The following TMEM266 variants were observed in gnomAD, a reference collection of about 807,000 sequenced individuals.
The protein encoded by TMEM266 is transmembrane protein 266, also known as Hv1 related protein 1.
Under a neutral mutation model 50.5 loss-of-function variants are expected in TMEM266, and 33 were observed. The observed-to-expected ratio is 0.65, with a 90% CI of 0.50 to 0.87. The LOEUF is 0.87. TMEM266 is among the 40% of genes least tolerant of loss of function. The pLI, the probability that TMEM266 is intolerant of heterozygous loss-of-function variation, is 0.00. For synonymous variants in TMEM266, 310 were observed against 292.3 expected, an observed-to-expected ratio of 1.06 and a Z score of -0.62; for missense variants, 655 against 695.1, an observed-to-expected ratio of 0.94 and a Z score of 0.65.
Position 76,204,861 on chromosome 15 carries a change from A to G in TMEM266, c.*546A>G, listed in dbSNP as rs542037017. 2.0e-5 allele frequency: 3 copies of G among 152,984 alleles called. No individual in the cohort carries two copies. In the East Asian group the frequency reaches 5.8e-4, roughly 30 times the overall value. 9.5% of individuals were successfully genotyped at this position (152,984 alleles called of 1,614,324 possible). On this transcript the variant is annotated 3_prime_UTR_variant, in exon 11 of 11. Coordinates refer to ENST00000388942, the MANE Select transcript of TMEM266 (RefSeq NM_152335.3). ...CGAATCTAGTTTTCACCTTCACAGG[A>G]TATAAAGGGATCAACCTAGAGGTGG...
intron 5 of TMEM266, among the ~76,000 whole-genome samples, chr15:76,162,298 G>A (rs928804589): frequency 1.3e-5 from 2 of 152,194 alleles, no homozygotes; most frequent in Admixed American, 1.3e-4. Context: ...ATCGAGTGAC[G>A]AATGAATGAG....
intron 1 of TMEM266, among the ~76,000 whole-genome samples, chr15:76,091,983 C>T (rs2036854812): frequency 6.6e-6 from 1 of 151,628 alleles, no homozygotes; most frequent in Non-Finnish European, 1.5e-5. Flanking sequence ...GAGCAAGACC[C>T]TGTCTCAAAA....
intron 1 of TMEM266, among the ~76,000 whole-genome samples, chr15:76,073,763 A>G (rs79715414): frequency 6.6e-6 from 1 of 152,216 alleles, no homozygotes; most frequent in African/African-American, 2.4e-5. Context: ...CTATCAAATG[A>G]CACATTGTAG....
At chr15:76,132,065 G>T (rs75925102) in intron 1 of TMEM266, among the ~76,000 whole-genome samples, 2 of 151,996 alleles carry the variant, frequency 1.3e-5, no homozygotes, top group African/African-American at 2.4e-5. Context: ...CTTCTAGATG[G>T]TACTGTAGCA....
chr15:76,186,658 C>T (rs974060967), intron 8 of TMEM266, among the ~76,000 whole-genome samples: 1 of 152,226 alleles, frequency 6.6e-6, no homozygotes, highest in African/African-American at 2.4e-5. Context: ...TCGTCCCTAC[C>T]TACTTGTCTC....
chr15:76,098,395 G>T (rs2405415), intron 1 of TMEM266, among the ~76,000 whole-genome samples: 81,105 of 151,870 alleles, frequency 0.53, 22,354 homozygotes, highest in Admixed American at 0.68. Flanking sequence ...GTTTGCCTGG[G>T]CATCACCAGC....
At position 76,203,824 on chromosome 15, in the gene TMEM266, TTC is replaced by T. The variant is rs1201783636; in HGVS notation, c.1111_1112del (p.Leu371GlyfsTer9). 1 of 1,614,206 alleles carries T rather than the reference TTC, an allele frequency of 6.2e-7. No individual in the cohort carries two copies. The highest frequency in any genetic ancestry group is 1.3e-5 in the African/African-American group (1 of 75,048). Reference sequence around the variant, plus strand: ...CCAGCCCAACATCTCCTCGGACCTCTTCTCTCTGGACATGCCCCTCAAACTCG... The same window carrying T: ...CCAGCCCAACATCTCCTCGGACCTCTTCTCTGGACATGCCCCTCAAACTCG... On this transcript the variant is annotated frameshift_variant, in exon 11 of 11. Transcript: ENST00000388942. LOFTEE classifies it high-confidence loss of function.
intron 1 of TMEM266, among the ~76,000 whole-genome samples, chr15:76,062,922 A>C (rs1318556397): frequency 2.0e-5 from 3 of 152,218 alleles, no homozygotes. Flanking sequence ...TATGAAACTC[A>C]CATGTCTGTG....
chr15:76,110,761 A>C (rs7171315), intron 1 of TMEM266, among the ~76,000 whole-genome samples: 4 of 152,034 alleles, frequency 2.6e-5, no homozygotes, highest in African/African-American at 9.7e-5. Context: ...TTATGTCCAA[A>C]ATATATAAGG....
chr15:76,145,355 G>A (rs1015809074), intron 3 of TMEM266, among the ~76,000 whole-genome samples: 2 of 123,946 alleles, frequency 1.6e-5, no homozygotes, highest in Non-Finnish European at 3.6e-5. Context: ...ACTGGAAATG[G>A]TGATTTCCAC....
rs113855814 is a variant in TMEM266, at chr15:76,067,471, C to T, written c.-97+7455C>T. On this transcript the variant is annotated intron_variant, in intron 1 of 10. Transcript: ENST00000388942. ...CAGCCTGGCCAACATGGAGAAACCC[C>T]GTCTCTACTAAAAATACAAAAAATT... 5.0e-3 allele frequency among the ~76,000 whole-genome samples: 762 copies of T among 151,690 alleles called. 10 individuals carry two copies. The highest frequency in any genetic ancestry group is 0.017 in the African/African-American group (709 of 41,356).
chr15:76,199,340 A>G (rs1302165507), intron 9 of TMEM266, among the ~76,000 whole-genome samples: 1 of 152,236 alleles, frequency 6.6e-6, no homozygotes, highest in Non-Finnish European at 1.5e-5. Flanking sequence ...GGACTCAACT[A>G]TGTAGGCAAC....
At chr15:76,151,091 A>G (rs1440171679) in intron 3 of TMEM266, among the ~76,000 whole-genome samples, 1 of 152,096 alleles carries the variant, frequency 6.6e-6, no homozygotes, top group Non-Finnish European at 1.5e-5. Flanking sequence ...TACCCTCCCT[A>G]CAGCAGCACC....
At chr15:76,065,951 G>A (rs1474705176) in intron 1 of TMEM266, among the ~76,000 whole-genome samples, 1 of 152,094 alleles carries the variant, frequency 6.6e-6, no homozygotes, top group African/African-American at 2.4e-5. Context: ...CCAGAGGAGG[G>A]AAGAATGCCG....
chr15:76,175,301 G>A (rs1399489865), intron 7 of TMEM266: 1 of 342,450 alleles, frequency 2.9e-6, no homozygotes, highest in Non-Finnish European at 5.4e-6. Context: ...TTTATTCCAG[G>A]CAGCTGTGCA....
intron 1 of TMEM266, among the ~76,000 whole-genome samples, chr15:76,067,645 AAAAAG>A (rs373038029): frequency 0.69 from 73,898 of 106,976 alleles, 23,712 homozygotes; most frequent in South Asian, 0.8. Context: ...AAAAAAAAAA[AAAAAG>A]AAAAGAAAAG....
chr15:76,160,420 C>T lies in TMEM266; in HGVS notation c.456+252C>T, dbSNP rs1257291828. ...ACCCCAGTGGATGAGCAGGTGTTCT[C>T]CAGGTGAGGGGTGGGCGATGACTGG... On this transcript the variant is annotated intron_variant, in intron 5 of 10. Coordinates refer to ENST00000388942, the MANE Select transcript of TMEM266 (RefSeq NM_152335.3). This position sits in a 1 kb window ranked among gnomAD's most constrained non-coding sequence, Gnocchi z 5.7. Among the ~76,000 whole-genome samples the T allele has an allele frequency of 6.6e-6, 1 of 152,190 alleles. No individual in the cohort carries two copies. The highest frequency in any genetic ancestry group is 1.5e-5 in the Non-Finnish European group (1 of 68,030).
intron 1 of TMEM266, among the ~76,000 whole-genome samples, chr15:76,119,391 C>CAAAAAA (rs57532855): frequency 3.9e-4 from 43 of 109,506 alleles, no homozygotes; most frequent in East Asian, 6.5e-4. Context: ...GGGTTTATGG[C>CAAAAAA]AAAAAAAAAA....
intron 1 of TMEM266, among the ~76,000 whole-genome samples, chr15:76,120,758 CA>C (rs60694791): frequency 0.24 from 13,985 of 58,108 alleles, 497 homozygotes; most frequent in East Asian, 0.42. Flanking sequence ...AAGACTGTCT[CA>C]AAAAAAAAAA....
Sources: gnomAD v4.1 joint callset for allele counts (sites outside exome capture counted in the v4.1 genomes callset) on GRCh38, gnomAD v4.1.1 for gene constraint, Gnocchi (gnomAD v3.1) non-coding constraint, MANE v1.5 for transcripts, NCBI Gene and HGNC (gene_info 2026-07-23, HGNC 2026-07-21) for gene names.